PTPRG: variants seen among roughly 807,000 people sequenced by gnomAD.
PTPRG encodes the protein protein tyrosine phosphatase receptor type G, also known as receptor-type tyrosine-protein phosphatase gamma.
A neutral mutation model predicts 165.3 loss-of-function variants in PTPRG; 102 were observed. The ratio of observed to expected loss-of-function variants is 0.62; its 90% confidence interval spans 0.53 to 0.73. The LOEUF (loss-of-function observed/expected upper bound fraction) is 0.73, where lower values mean the gene tolerates loss of function less well. Among genes scored for constraint, PTPRG ranks in the 30% least tolerant of loss-of-function variants. The pLI is 0.00. For missense variants in PTPRG, 1,866 were observed against 1,861.4 expected, an observed-to-expected ratio of 1.00 and a Z score of -0.05; for synonymous variants, 675 against 669.5, an observed-to-expected ratio of 1.01 and a Z score of -0.13.
chr3:62,137,682 T>C (rs1025288780), intron 6 of PTPRG, among the ~76,000 whole-genome samples: 1 of 152,050 alleles, frequency 6.6e-6, no homozygotes, highest in Non-Finnish European at 1.5e-5. Flanking sequence ...AAGTTTGGCT[T>C]TGGGAAGTGC....
chr3:62,171,979 A>C (rs1011047062), intron 8 of PTPRG, among the ~76,000 whole-genome samples: 2 of 152,130 alleles, frequency 1.3e-5, no homozygotes, highest in African/African-American at 2.4e-5. Flanking sequence ...GAATTTGTCT[A>C]TTCTGCACAT....
intron 2 of PTPRG, among the ~76,000 whole-genome samples, chr3:61,965,754 A>G (rs2040256490): frequency 1.3e-5 from 2 of 152,228 alleles, no homozygotes; most frequent in Admixed American, 6.5e-5. Flanking sequence ...ATGTAATTCT[A>G]AGAGTTAGGT....
At chr3:61,970,866 C>G (rs1433193732) in intron 2 of PTPRG, among the ~76,000 whole-genome samples, 1 of 152,152 alleles carries the variant, frequency 6.6e-6, no homozygotes, top group Non-Finnish European at 1.5e-5. Flanking sequence ...CTGACACCAT[C>G]TAAAATCCTG....
chr3:62,141,325 G>C (rs905200880), intron 6 of PTPRG, among the ~76,000 whole-genome samples: 2 of 152,106 alleles, frequency 1.3e-5, no homozygotes, highest in African/African-American at 4.8e-5. Flanking sequence ...AGATGTATAG[G>C]CCAGGCGCGG....
chr3:61,979,993 A>G (rs568868933), intron 2 of PTPRG, among the ~76,000 whole-genome samples: 4 of 151,968 alleles, frequency 2.6e-5, no homozygotes, highest in Admixed American at 2.6e-4. Context: ...CAGCCCTCCT[A>G]AACACCAAAC....
chr3:62,297,386 T>C lies in PTPRG; in HGVS notation c.*4079T>C, dbSNP rs986974099. On this transcript the variant is annotated 3_prime_UTR_variant, in exon 30 of 30. Transcript: ENST00000474889. Reference sequence around the variant, plus strand: ...TTAATTCCATTGACCATTTGTGCAATAGGAATTAGACATAATTAGTCACTG... The same window carrying C: ...TTAATTCCATTGACCATTTGTGCAACAGGAATTAGACATAATTAGTCACTG... 2.6e-5 allele frequency: 4 copies of C among 151,810 alleles called. No homozygotes were observed. The highest frequency in any genetic ancestry group is 2.4e-5 in the African/African-American group (1 of 41,386). The allele number at this position is 151,810 out of a possible 1,614,324, so 9.4% of individuals were successfully genotyped here. A position where few individuals can be genotyped will look rare whatever the true frequency, so the allele number is the denominator to read the frequency against.
At chr3:61,665,466 A>AC (rs1334437276) in intron 1 of PTPRG, among the ~76,000 whole-genome samples, 3 of 128,000 alleles carry the variant, frequency 2.3e-5, no homozygotes, top group Admixed American at 8.4e-5. Flanking sequence ...AATTGTAAAT[A>AC]AATACACACA....
At chr3:62,287,536 A>G (rs1422635549) in intron 28 of PTPRG, among the ~76,000 whole-genome samples, 3 of 152,162 alleles carry the variant, frequency 2.0e-5, no homozygotes, top group African/African-American at 7.2e-5. Context: ...ATAGGATACT[A>G]GTGGAGTGTA....
At position 62,012,076 on chromosome 3, in the gene PTPRG, G is replaced by C. The variant is rs544131771; in HGVS notation, c.519+8579G>C. Among the ~76,000 whole-genome samples, 5 of 152,288 alleles carry C rather than the reference G, an allele frequency of 3.3e-5. No individual in the cohort carries two copies. In the South Asian group the frequency reaches 1.0e-3, roughly 32 times the overall value. Reference sequence around the variant, plus strand: ...GTTGTGGTTGAAGTCACTGATACTGGTGTTGGTAGTGGTAATAGTGATGAT... The same window carrying C: ...GTTGTGGTTGAAGTCACTGATACTGCTGTTGGTAGTGGTAATAGTGATGAT... On this transcript the variant is annotated intron_variant, in intron 4 of 29. Coordinates refer to ENST00000474889, the MANE Select transcript of PTPRG (RefSeq NM_002841.4).
intron 4 of PTPRG, among the ~76,000 whole-genome samples, chr3:62,031,638 A>G (rs1284790529): frequency 6.6e-6 from 1 of 152,114 alleles, no homozygotes; most frequent in Non-Finnish European, 1.5e-5. Flanking sequence ...CTGCAGTGTA[A>G]AATTACCTTG....
intron 2 of PTPRG, among the ~76,000 whole-genome samples, chr3:61,886,918 T>G (rs1339572946): frequency 6.6e-6 from 1 of 151,676 alleles, no homozygotes; most frequent in Non-Finnish European, 1.5e-5. Flanking sequence ...TGGACTTTTT[T>G]TTTTTTTAAG....
intron 4 of PTPRG, among the ~76,000 whole-genome samples, chr3:62,036,637 G>A (rs1323403723): frequency 6.6e-6 from 1 of 152,122 alleles, no homozygotes; most frequent in Non-Finnish European, 1.5e-5. Flanking sequence ...AGTTCTAATG[G>A]TACACTTAGA....
At chr3:61,995,987 G>A (rs966560705) in intron 3 of PTPRG, among the ~76,000 whole-genome samples, 5 of 151,966 alleles carry the variant, frequency 3.3e-5, no homozygotes, top group African/African-American at 1.2e-4. Context: ...CTCCGCTGGG[G>A]CATGTCTCTG....
chr3:61,813,359 A>G (rs2035649607), intron 2 of PTPRG, among the ~76,000 whole-genome samples: 3 of 148,212 alleles, frequency 2.0e-5, no homozygotes, highest in Admixed American at 6.7e-5. Flanking sequence ...GAAAAAAAAT[A>G]GAAAAATTAG....
chr3:61,924,118 T>A (rs1315820966), intron 2 of PTPRG, among the ~76,000 whole-genome samples: 1 of 152,226 alleles, frequency 6.6e-6, no homozygotes, highest in Non-Finnish European at 1.5e-5. Context: ...TTATGTTTCC[T>A]CTTGGGCTCA....
chr3:61,864,318 T>C (rs1394998725), intron 2 of PTPRG, among the ~76,000 whole-genome samples: 1 of 152,150 alleles, frequency 6.6e-6, no homozygotes, highest in African/African-American at 2.4e-5. Context: ...TGTCCTAATA[T>C]CTCACAGAAA....
At chr3:61,689,275 T>C (rs1374576254) in intron 1 of PTPRG, among the ~76,000 whole-genome samples, 2 of 152,256 alleles carry the variant, frequency 1.3e-5, no homozygotes, top group African/African-American at 2.4e-5. Flanking sequence ...CCTATCATCA[T>C]CTGTAATGGT....
intron 6 of PTPRG, among the ~76,000 whole-genome samples, chr3:62,144,846 C>T (rs999117492): frequency 2.6e-5 from 4 of 152,036 alleles, no homozygotes; most frequent in Non-Finnish European, 4.4e-5. Context: ...AATGTTAAGA[C>T]GTAAAAAGAC....
chr3:62,218,110 G>T (rs1700555681), intron 12 of PTPRG, among the ~76,000 whole-genome samples: 1 of 152,172 alleles, frequency 6.6e-6, no homozygotes, highest in African/African-American at 2.4e-5. Flanking sequence ...TGGGTGGTAG[G>T]AGCCCACGGA....
Sources: allele counts gnomAD v4.1 joint callset (sites outside exome capture counted in the v4.1 genomes callset), GRCh38; gene constraint gnomAD v4.1.1; transcripts MANE v1.5; gene names NCBI Gene and HGNC (gene_info 2026-07-23, HGNC 2026-07-21).